Variants in TMEM65 observed in about 807,000 individuals in gnomAD.
TMEM65 encodes transmembrane protein 65.
A neutral mutation model predicts 25.4 loss-of-function variants in TMEM65; 22 were observed. That is an observed-to-expected ratio of 0.86 (90% confidence interval 0.62 to 1.23). TMEM65 has a LOEUF of 1.23. TMEM65 is among the 50% of genes most tolerant of loss of function. TMEM65 has a pLI of 0.00. For synonymous variants in TMEM65, 132 were observed against 126.2 expected (o/e 1.05, Z -0.31); for missense variants, 262 against 308.2 (o/e 0.85, Z 1.12).
chr8:124,347,367 T>C (rs946214472), intron 1 of TMEM65, among the ~76,000 whole-genome samples: 13 of 152,320 alleles, frequency 8.5e-5, no homozygotes, highest in Admixed American at 6.5e-4. Context: ...ATATACCTTA[T>C]GTAGGAAAGA....
chr8:124,348,669 G>C (rs148439697), intron 1 of TMEM65, among the ~76,000 whole-genome samples: 1 of 152,074 alleles, frequency 6.6e-6, no homozygotes, highest in Admixed American at 6.6e-5. Flanking sequence ...ACACAGATTC[G>C]TAAAAGTTAT....
chr8:124,347,565 T>C (rs566227654), intron 1 of TMEM65, among the ~76,000 whole-genome samples: 71 of 152,274 alleles, frequency 4.7e-4, no homozygotes, highest in African/African-American at 1.6e-3. Flanking sequence ...TACAAACTAC[T>C]TGTACCCCTA....
At chr8:124,315,237 A>G (rs1335166073) in intron 6 of TMEM65, among the ~76,000 whole-genome samples, 1 of 152,152 alleles carries the variant, frequency 6.6e-6, no homozygotes, top group East Asian at 1.9e-4. Context: ...TACAGTTACT[A>G]TGATAGCTAC....
At chr8:124,368,432 C>T (rs1296946334) in intron 1 of TMEM65, among the ~76,000 whole-genome samples, 1 of 152,048 alleles carries the variant, frequency 6.6e-6, no homozygotes, top group Non-Finnish European at 1.5e-5. Context: ...GATTCCCACT[C>T]CCTTGTATTC....
chr8:124,323,913 T>C (rs1197156762), intron 3 of TMEM65, among the ~76,000 whole-genome samples: 1 of 152,144 alleles, frequency 6.6e-6, no homozygotes, highest in Admixed American at 6.5e-5. Context: ...ACAATAGATC[T>C]ACACTCAAAA....
chr8:124,350,690 T>C lies in TMEM65; in HGVS notation c.305-19898A>G, dbSNP rs913545128. ...CATTGTACTTAAATACAGTCTCTCT[T>C]CGCAATATTCTGAAGGTTCCACTGT... is the stretch of plus-strand genomic sequence containing the variant. On this transcript the variant is annotated intron_variant, in intron 1 of 6. Transcript: ENST00000297632. Among the ~76,000 whole-genome samples the C allele has an allele frequency of 3.9e-5, 6 of 152,104 alleles. No homozygotes were observed. The South Asian group carries it at 1.2e-3, about 31-fold the overall frequency.
Position 124,358,303 on chromosome 8 carries a change from C to T in TMEM65, c.304+13551G>A, listed in dbSNP as rs368109922. 1.6e-4 allele frequency among the ~76,000 whole-genome samples: 24 copies of T among 152,252 alleles called. No individual in the cohort carries two copies. The East Asian group carries it at 4.4e-3, about 28-fold the overall frequency. On this transcript the variant is annotated intron_variant, in intron 1 of 6. Coordinates refer to ENST00000297632, the MANE Select transcript of TMEM65 (RefSeq NM_194291.3). ...TTATGTCTGGCACACAACAAGTATT[C>T]AATAATTGGTAAGTAATGGTAGTGA... is the stretch of plus-strand genomic sequence containing the variant.
At chr8:124,326,311 A>G (rs903194788) in intron 3 of TMEM65, among the ~76,000 whole-genome samples, 8 of 152,064 alleles carry the variant, frequency 5.3e-5, no homozygotes, top group Non-Finnish European at 8.8e-5. Flanking sequence ...GACTTCACAT[A>G]AGGTATTCTA....
At chr8:124,338,116 T>C (rs1814534574) in intron 1 of TMEM65, among the ~76,000 whole-genome samples, 1 of 152,050 alleles carries the variant, frequency 6.6e-6, no homozygotes, top group Non-Finnish European at 1.5e-5. Flanking sequence ...CTTTTTCCTA[T>C]AAAGATATAT....
chr8:124,334,779 A>AAAAG (rs1563593252), intron 1 of TMEM65, among the ~76,000 whole-genome samples: 1 of 150,350 alleles, frequency 6.7e-6, no homozygotes, highest in African/African-American at 2.4e-5. Flanking sequence ...AAAAAAAAAA[A>AAAAG]AAAGAAAGAA....
intron 1 of TMEM65, among the ~76,000 whole-genome samples, chr8:124,362,155 G>T (rs1022005052): frequency 1.3e-5 from 2 of 151,968 alleles, no homozygotes; most frequent in Admixed American, 6.6e-5. Flanking sequence ...GCCTCCCAAA[G>T]TGCTGGGATT....
At chr8:124,370,952 T>C (rs1815003699) in intron 1 of TMEM65, among the ~76,000 whole-genome samples, 1 of 152,222 alleles carries the variant, frequency 6.6e-6, no homozygotes, top group Non-Finnish European at 1.5e-5. Context: ...GGCAGAAATA[T>C]TTTAAGACAT....
At chr8:124,342,037 A>C (rs1426006706) in intron 1 of TMEM65, among the ~76,000 whole-genome samples, 1 of 152,106 alleles carries the variant, frequency 6.6e-6, no homozygotes, top group East Asian at 1.9e-4. Flanking sequence ...AAACTGTATG[A>C]AATTCATAGC....
In TMEM65 at chr8:124,371,838, C is replaced by G; in HGVS notation, c.304+16G>C. The G allele has an allele frequency of 6.6e-7, 1 of 1,512,986 alleles. No individual in the cohort carries two copies. Among genetic ancestry groups the G allele is most frequent in the Non-Finnish European group, 8.8e-7 (1 of 1,136,330 alleles). 93.7% of individuals were successfully genotyped at this position (1,512,986 alleles called of 1,614,324 possible). A position where few individuals can be genotyped will look rare whatever the true frequency, so the allele number is the denominator to read the frequency against. ...CGTCGGGGCCCCCGGGCTCGCCCCCCACCTGCCCCCCTTACCTTGGGCAAT... is the reference window on the plus strand; with the variant it reads ...CGTCGGGGCCCCCGGGCTCGCCCCCGACCTGCCCCCCTTACCTTGGGCAAT... On this transcript the variant is annotated intron_variant, in intron 1 of 6. Coordinates refer to ENST00000297632, the MANE Select transcript of TMEM65 (RefSeq NM_194291.3).
chr8:124,359,692 A>G (rs1305669467), intron 1 of TMEM65, among the ~76,000 whole-genome samples: 1 of 152,062 alleles, frequency 6.6e-6, no homozygotes, highest in Non-Finnish European at 1.5e-5. Context: ...CAGCGAGCTG[A>G]GATCACACCA....
chr8:124,351,618 A>G (rs964373645), intron 1 of TMEM65, among the ~76,000 whole-genome samples: 1 of 152,192 alleles, frequency 6.6e-6, no homozygotes, highest in Non-Finnish European at 1.5e-5. Flanking sequence ...GGATGAGTTT[A>G]TAACATTTTA....
rs1187704145 is a variant in TMEM65 at position 124,310,008 on chromosome 8, A to G, written c.*3952T>C. On this transcript the variant is annotated 3_prime_UTR_variant, in exon 7 of 7. Coordinates refer to ENST00000297632, the MANE Select transcript of TMEM65 (RefSeq NM_194291.3). Reference sequence around the variant, plus strand: ...AACCCCGTTTCTACTAAAAATACAAAAAAATTAGGCTCGGTGGCACGTGAC... The same window carrying G: ...AACCCCGTTTCTACTAAAAATACAAGAAAATTAGGCTCGGTGGCACGTGAC... The G allele has an allele frequency of 6.6e-6, 1 of 152,090 alleles. No individual in the cohort carries two copies. Among genetic ancestry groups the G allele is most frequent in the Non-Finnish European group, 1.5e-5 (1 of 68,068 alleles). 9.4% of individuals were successfully genotyped at this position (152,090 alleles called of 1,614,324 possible).
chr8:124,335,713 A>G (rs969169638), intron 1 of TMEM65, among the ~76,000 whole-genome samples: 1 of 152,118 alleles, frequency 6.6e-6, no homozygotes, highest in Admixed American at 6.6e-5. Flanking sequence ...GTAACTACAC[A>G]TACAGATGAA....
Position 124,307,854 on chromosome 8 carries a change from C to G in TMEM65, c.*6106G>C, listed in dbSNP as rs1275495217. 6.6e-6 allele frequency: 1 copy of G among 152,060 alleles called. No homozygotes were observed. The highest frequency in any genetic ancestry group is 1.5e-5 in the Non-Finnish European group (1 of 68,028). 9.4% of individuals were successfully genotyped at this position (152,060 alleles called of 1,614,324 possible). On this transcript the variant is annotated 3_prime_UTR_variant, in exon 7 of 7. Transcript: ENST00000297632. ...TACCAAAACAGGTTCTTAAGGCAGA[C>G]AGAAGTGCCCTATTATGGAAAAATA...
Sources: allele counts gnomAD v4.1 joint callset (sites outside exome capture counted in the v4.1 genomes callset), GRCh38; gene constraint gnomAD v4.1.1; transcripts MANE v1.5; gene names NCBI Gene and HGNC (gene_info 2026-07-23, HGNC 2026-07-21).